The following DPYD variants were observed in gnomAD, a reference collection of about 807,000 sequenced individuals.
DPYD encodes the protein dihydropyrimidine dehydrogenase.
Under a neutral mutation model 116.2 loss-of-function variants are expected in DPYD, and 109 were observed. The observed-to-expected ratio is 0.94, with a 90% confidence interval of 0.80 to 1.10. The LOEUF (loss-of-function observed/expected upper bound fraction) is 1.10. Ranked by LOEUF, DPYD falls within the 50% of genes least tolerant of loss-of-function variation. DPYD has a pLI of 0.00. For synonymous variants in DPYD, 440 were observed against 432.0 expected, an observed-to-expected ratio of 1.02 and a Z score of -0.23; for missense variants, 1,302 against 1,254.5, an observed-to-expected ratio of 1.04 and a Z score of -0.57.
intron 16 of DPYD, among the ~76,000 whole-genome samples, chr1:97,333,613 C>G (rs2101175814): frequency 6.6e-6 from 1 of 150,550 alleles, no homozygotes; most frequent in South Asian, 2.1e-4. Flanking sequence ...CTCCGCCTCC[C>G]AGGTTCAAGC....
chr1:97,809,588 C>T (rs1668248570), intron 3 of DPYD, among the ~76,000 whole-genome samples: 1 of 152,156 alleles, frequency 6.6e-6, no homozygotes, highest in African/African-American at 2.4e-5. Flanking sequence ...GAGTCAAGGA[C>T]TACCTAAAAT....
chr1:97,281,419 T>C (rs1045555445), intron 18 of DPYD, among the ~76,000 whole-genome samples: 5 of 151,764 alleles, frequency 3.3e-5, no homozygotes, highest in African/African-American at 1.2e-4. Context: ...TAAATATATA[T>C]ATGGATGTGC....
intron 16 of DPYD, among the ~76,000 whole-genome samples, chr1:97,363,047 C>T (rs1169672180): frequency 6.6e-6 from 1 of 152,170 alleles, no homozygotes; most frequent in African/African-American, 2.4e-5. Flanking sequence ...TTTCTGCAAT[C>T]TACCCATCTG....
chr1:97,903,197 G>A (rs80168821), intron 1 of DPYD, among the ~76,000 whole-genome samples: 153 of 151,822 alleles, frequency 1.0e-3, no homozygotes, highest in African/African-American at 3.7e-3. Flanking sequence ...TATTTACTAC[G>A]AAGCAAAATT....
At chr1:97,742,963 A>T (rs1279748821) in intron 3 of DPYD, among the ~76,000 whole-genome samples, 1 of 152,054 alleles carries the variant, frequency 6.6e-6, no homozygotes, top group Non-Finnish European at 1.5e-5. Flanking sequence ...TTTTTCTAAC[A>T]CCCAACTTGA....
intron 15 of DPYD, among the ~76,000 whole-genome samples, chr1:97,374,109 T>C (rs7523609): frequency 0.26 from 39,243 of 152,130 alleles, 5,277 homozygotes; most frequent in South Asian, 0.43. Flanking sequence ...GGATAACTGA[T>C]GCTGGGATTA....
At chr1:97,315,325 T>C (rs542000553) in intron 16 of DPYD, among the ~76,000 whole-genome samples, 1 of 152,066 alleles carries the variant, frequency 6.6e-6, no homozygotes, top group South Asian at 2.1e-4. Context: ...AGCAAAACTG[T>C]AGTACAAGGG....
At chr1:97,660,024 T>C (rs1460674929) in intron 8 of DPYD, among the ~76,000 whole-genome samples, 1 of 152,146 alleles carries the variant, frequency 6.6e-6, no homozygotes, top group Non-Finnish European at 1.5e-5. Context: ...GTTGGTTCTA[T>C]CACTATATTT....
intron 18 of DPYD, among the ~76,000 whole-genome samples, chr1:97,278,127 A>G (rs1429042772): frequency 1.3e-5 from 2 of 152,198 alleles, no homozygotes; most frequent in Non-Finnish European, 2.9e-5. Context: ...AGGAAATGCA[A>G]AGATTAAAAA....
At chr1:97,383,823 T>A (rs1158722575) in intron 14 of DPYD, among the ~76,000 whole-genome samples, 1 of 152,032 alleles carries the variant, frequency 6.6e-6, no homozygotes, top group Non-Finnish European at 1.5e-5. Context: ...ACTATGAGAT[T>A]GAGGCTGGGT....
intron 5 of DPYD, among the ~76,000 whole-genome samples, chr1:97,710,034 T>C (rs1445109540): frequency 1.3e-5 from 2 of 151,888 alleles, no homozygotes; most frequent in East Asian, 1.9e-4. Context: ...AAGAGGATTA[T>C]ACTCTTGCAA....
At chr1:97,140,037 T>A (rs1045279700) in intron 20 of DPYD, among the ~76,000 whole-genome samples, 76 of 151,836 alleles carry the variant, frequency 5.0e-4, no homozygotes, top group Non-Finnish European at 7.4e-5. Flanking sequence ...TTTTTTTTTT[T>A]ACTCTGGGCT....
intron 8 of DPYD, among the ~76,000 whole-genome samples, chr1:97,653,709 C>G (rs1245967284): frequency 2.0e-5 from 3 of 152,086 alleles, no homozygotes; most frequent in Non-Finnish European, 4.4e-5. Context: ...CCTTTTCCTT[C>G]TCTTCTATTC....
chr1:97,204,412 C>A (rs1482071788), intron 19 of DPYD, among the ~76,000 whole-genome samples: 2 of 152,060 alleles, frequency 1.3e-5, no homozygotes, highest in African/African-American at 4.8e-5. Context: ...TACAGACAAA[C>A]AAATGCAATG....
intron 16 of DPYD, among the ~76,000 whole-genome samples, chr1:97,315,347 C>T (rs1341109863): frequency 6.6e-6 from 1 of 151,880 alleles, no homozygotes; most frequent in Non-Finnish European, 1.5e-5. Flanking sequence ...CTAGCTATTT[C>T]CGGTGAATGT....
intron 20 of DPYD, among the ~76,000 whole-genome samples, chr1:97,153,643 T>C (rs1655194820): frequency 6.6e-6 from 1 of 151,638 alleles, no homozygotes; most frequent in Non-Finnish European, 1.5e-5. Flanking sequence ...ACAAAGATAA[T>C]AGATGAGACT....
rs139459586 is a variant in DPYD at position 97,079,076 on chromosome 1, A to C, written c.2978T>G (p.Leu993Arg). 91 of 1,613,772 alleles carry C rather than the reference A, an allele frequency of 5.6e-5. 1 individual carries two copies. The African/African-American group carries it at 1.1e-3, about 20-fold the overall frequency. ...TDTCTGCTLC[L>R]SVCPIVDCIK... ...GCAGTCGACAATAGGGCAAACACTG[A>C]GACACAGAGTACAGCCTGTACAAGT... Residue 993 changes from leucine (L) to arginine (R), a missense_variant, in exon 23 of 23, where the codon CTC becomes CGC. Transcript: ENST00000370192.
intron 8 of DPYD, among the ~76,000 whole-genome samples, chr1:97,659,881 A>T (rs976196182): frequency 6.6e-6 from 1 of 152,242 alleles, no homozygotes; most frequent in Middle Eastern, 3.4e-3. Context: ...TTGTATATTC[A>T]TATGGTCATC....
chr1:97,175,821 T>C (rs1283400220), intron 20 of DPYD, among the ~76,000 whole-genome samples: 1 of 152,210 alleles, frequency 6.6e-6, no homozygotes, highest in Non-Finnish European at 1.5e-5. Context: ...AACCATTTCA[T>C]ATAATTTAGG....
Sources: gnomAD v4.1 joint callset for allele counts (sites outside exome capture counted in the v4.1 genomes callset) on GRCh38, gnomAD v4.1.1 for gene constraint, MANE v1.5 for transcripts, NCBI Gene and HGNC (gene_info 2026-07-23, HGNC 2026-07-21) for gene names.